The following HDAC9 variants were observed in gnomAD, a reference collection of about 807,000 sequenced individuals.
The protein encoded by HDAC9 is MEF-2 interacting transcription repressor (MITR) protein.
A neutral mutation model predicts 139.4 loss-of-function variants in HDAC9; 41 were observed. The observed-to-expected ratio is 0.29, with a 90% confidence interval of 0.23 to 0.38. The LOEUF is 0.38. Among genes scored for constraint, HDAC9 ranks in the 10% least tolerant of loss-of-function variants. The pLI is 1.00. For synonymous variants in HDAC9, 517 were observed against 476.2 expected, an observed-to-expected ratio of 1.09 and a Z score of -1.12; for missense variants, 1,147 against 1,297.0, an observed-to-expected ratio of 0.88 and a Z score of 1.78.
intron 1 of HDAC9, among the ~76,000 whole-genome samples, chr7:18,323,933 TTG>T (rs1253381026): frequency 7.0e-6 from 1 of 143,654 alleles, no homozygotes; most frequent in Non-Finnish European, 1.6e-5. Flanking sequence ...TATGGTTGTT[TTG>T]TTTTTTTTTT....
At chr7:18,456,110 C>T (rs1409415066) in intron 1 of HDAC9, among the ~76,000 whole-genome samples, 1 of 152,136 alleles carries the variant, frequency 6.6e-6, no homozygotes, top group East Asian at 1.9e-4. Context: ...TATTTCCTTG[C>T]TGATCGTATT....
chr7:18,807,241 A>C lies in HDAC9; in HGVS notation c.2322+13789A>C, dbSNP rs114506574. Among the ~76,000 whole-genome samples the C allele has an allele frequency of 9.3e-3, 1,418 of 152,236 alleles. 15 individuals carry two copies. The highest frequency in any genetic ancestry group is 0.026 in the African/African-American group (1,098 of 41,548). ...TAGGTTATCCAATTTGTTGGCATAT[A>C]GTTATTCATAGTCTTTTATGATCCT... On this transcript the variant is annotated intron_variant, in intron 17 of 25. Coordinates refer to ENST00000686413, the MANE Select transcript of HDAC9 (RefSeq NM_178425.4).
At chr7:18,155,822 A>C (rs1787153024) in intron 1 of HDAC9, among the ~76,000 whole-genome samples, 1 of 152,186 alleles carries the variant, frequency 6.6e-6, no homozygotes. Flanking sequence ...CCCAGAGTCC[A>C]GAATGAGCCA....
At chr7:18,147,670 G>A (rs1786443902) in intron 1 of HDAC9, among the ~76,000 whole-genome samples, 1 of 150,092 alleles carries the variant, frequency 6.7e-6, no homozygotes, top group Non-Finnish European at 1.5e-5. Context: ...TTAAAATATA[G>A]TTGAAGTGCT....
intron 1 of HDAC9, among the ~76,000 whole-genome samples, chr7:18,297,896 A>T (rs605866): frequency 0.17 from 26,328 of 152,168 alleles, 2,437 homozygotes; most frequent in East Asian, 0.26. Context: ...TATGCTTTTT[A>T]GCCTTAATGA....
intron 2 of HDAC9, among the ~76,000 whole-genome samples, chr7:18,233,862 C>T (rs1005970943): frequency 6.6e-6 from 1 of 152,198 alleles, no homozygotes; most frequent in South Asian, 2.1e-4. Flanking sequence ...ACACAAGGTC[C>T]ACATTGGAGA....
chr7:18,441,441 A>G (rs981783785), intron 1 of HDAC9, among the ~76,000 whole-genome samples: 9 of 152,244 alleles, frequency 5.9e-5, no homozygotes, highest in Admixed American at 4.6e-4. Context: ...ATTTAGAAGT[A>G]TTAGGTGCAT....
At chr7:18,504,996 G>T (rs796140020) in intron 2 of HDAC9, among the ~76,000 whole-genome samples, 11 of 152,272 alleles carry the variant, frequency 7.2e-5, no homozygotes, top group African/African-American at 2.6e-4. Context: ...GGAGGTTTAA[G>T]GCACAAATAG....
In HDAC9 at chr7:18,517,460, C is replaced by G. The variant is rs553731849; in HGVS notation, c.22+21136C>G. ...AGGATCAGCTTGTGTGATGCGAGAG[C>G]TGCCTGCATTATTTCCTCCCCTCCA... On this transcript the variant is annotated intron_variant, in intron 2 of 25. Transcript: ENST00000686413. Among the ~76,000 whole-genome samples, 5 of 152,300 alleles carry G rather than the reference C, an allele frequency of 3.3e-5. No homozygotes were observed. In the South Asian group the frequency reaches 1.0e-3, roughly 32 times the overall value.
At chr7:18,408,059 T>C (rs750520228) in intron 1 of HDAC9, among the ~76,000 whole-genome samples, 136 of 152,142 alleles carry the variant, frequency 8.9e-4, no homozygotes, top group Non-Finnish European at 1.4e-3. Context: ...TTAAATGAGA[T>C]GATGTATGTA....
At chr7:18,635,769 C>G (rs1783695912) in intron 8 of HDAC9, among the ~76,000 whole-genome samples, 1 of 152,044 alleles carries the variant, frequency 6.6e-6, no homozygotes, top group Non-Finnish European at 1.5e-5. Context: ...GGTCAAGTCT[C>G]TTATTCTTGG....
intron 2 of HDAC9, among the ~76,000 whole-genome samples, chr7:18,545,356 C>T (rs114972080): frequency 0.013 from 1,970 of 151,644 alleles, 46 homozygotes; most frequent in African/African-American, 0.045. Flanking sequence ...GTGAATATCA[C>T]TGTGGAATAA....
chr7:18,786,725 C>T lies in HDAC9; in HGVS notation c.2215-6620C>T, dbSNP rs190524208. ...CTGTGTCCTCGGTTTCTGTTGCATGCGCCTCTTGAGTCTAGCTTTCTTTCC... is the reference window on the plus strand; with the variant it reads ...CTGTGTCCTCGGTTTCTGTTGCATGTGCCTCTTGAGTCTAGCTTTCTTTCC... On this transcript the variant is annotated intron_variant, in intron 16 of 25. Coordinates refer to ENST00000686413, the MANE Select transcript of HDAC9 (RefSeq NM_178425.4). Among the ~76,000 whole-genome samples the T allele has an allele frequency of 1.8e-4, 24 of 132,858 alleles. 1 individual carries two copies. Among genetic ancestry groups the T allele is most frequent in the East Asian group, 8.3e-4 (4 of 4,832 alleles). The allele number at this position is 132,858 out of a possible 152,430, so 87.2% of individuals were successfully genotyped here.
At chr7:18,337,051 A>G (rs1266303225) in intron 1 of HDAC9, among the ~76,000 whole-genome samples, 2 of 151,694 alleles carry the variant, frequency 1.3e-5, no homozygotes, top group African/African-American at 4.8e-5. Context: ...TATTTAATTT[A>G]TATCAGAAAC....
chr7:18,930,496 T>A (rs1804643751), intron 22 of HDAC9, among the ~76,000 whole-genome samples: 1 of 152,030 alleles, frequency 6.6e-6, no homozygotes, highest in Non-Finnish European at 1.5e-5. Flanking sequence ...CACATGCCAC[T>A]GAAACCTTTA....
intron 2 of HDAC9, among the ~76,000 whole-genome samples, chr7:18,206,871 T>C (rs1420123049): frequency 4.6e-5 from 7 of 151,948 alleles, no homozygotes; most frequent in African/African-American, 1.7e-4. Context: ...TTAGTACAAA[T>C]GTTTATTTTA....
chr7:18,244,779 CAG>C (rs1794408095), intron 2 of HDAC9, among the ~76,000 whole-genome samples: 2 of 151,620 alleles, frequency 1.3e-5, no homozygotes, highest in Non-Finnish European at 2.9e-5. Context: ...GCCTGTGCGA[CAG>C]AGTGAGAGAC....
At chr7:18,703,526 TCTGA>T (rs1422302842) in intron 12 of HDAC9, among the ~76,000 whole-genome samples, 2 of 152,208 alleles carry the variant, frequency 1.3e-5, no homozygotes, top group Non-Finnish European at 2.9e-5. Context: ...TGCACTTCTG[TCTGA>T]CTTTCTTCTC....
chr7:18,162,868 C>T (rs1787739568), intron 2 of HDAC9, among the ~76,000 whole-genome samples: 2 of 152,118 alleles, frequency 1.3e-5, no homozygotes, highest in Admixed American at 1.3e-4. Context: ...CCTCCTATTC[C>T]AGTGATGTGT....
Sources: allele counts gnomAD v4.1 joint callset (sites outside exome capture counted in the v4.1 genomes callset), GRCh38; gene constraint gnomAD v4.1.1; transcripts MANE v1.5; gene names NCBI Gene and HGNC (gene_info 2026-07-23, HGNC 2026-07-21).